TRIM14: variants seen among roughly 807,000 people sequenced by gnomAD.
TRIM14 encodes tripartite motif-containing protein 14.
TRIM14 carries 28 observed loss-of-function variants against 44.5 expected under a neutral mutation model. That is an observed-to-expected ratio of 0.63 (90% confidence interval 0.47 to 0.86). The LOEUF is 0.86. TRIM14 is among the 40% of genes least tolerant of loss of function. The pLI is 0.00. For missense variants in TRIM14, 607 were observed against 611.1 expected, an observed-to-expected ratio of 0.99 and a Z score of 0.07; for synonymous variants, 299 against 269.2, an observed-to-expected ratio of 1.11 and a Z score of -1.08.
At chr9:98,066,937 C>T (rs1829165582), downstream of TRIM14, among the ~76,000 whole-genome samples, 1 of 152,194 alleles carries the variant, frequency 6.6e-6, no homozygotes, top group Non-Finnish European at 1.5e-5. Flanking sequence ...AGGTGTGAGC[C>T]ACTGCGTCCA....
chr9:98,045,382 C>A, the TRIM14 span, among the ~76,000 whole-genome samples: 1 of 152,196 alleles, frequency 6.6e-6, no homozygotes, highest in African/African-American at 2.4e-5. Context: ...TTTCTCTGTA[C>A]ATCGTGAACT....
the TRIM14 span, among the ~76,000 whole-genome samples, chr9:98,036,318 T>C: frequency 6.6e-6 from 1 of 151,444 alleles, no homozygotes. Context: ...CTGGCCAACA[T>C]GGTGAAAACC....
chr9:98,091,370 T>A (rs1232461852), intron 5 of TRIM14, among the ~76,000 whole-genome samples: 2 of 151,926 alleles, frequency 1.3e-5, no homozygotes, highest in East Asian at 1.9e-4. Flanking sequence ...GGTGGGAAAA[T>A]CATTTGTGCC....
Position 98,089,220 on chromosome 9 carries a change from G to A in TRIM14, c.794-1215C>T, listed in dbSNP as rs565504558. ...AGATGGAGTTTCACTCTTGTTGCCC[G>A]GGCTGGAGTGCAGTGGTGTGATCTC... is the stretch of plus-strand genomic sequence containing the variant. On this transcript the variant is annotated intron_variant, in intron 5 of 5. Transcript: ENST00000341469. 1.6e-4 allele frequency among the ~76,000 whole-genome samples: 24 copies of A among 151,622 alleles called. No homozygotes were observed. In the South Asian group the frequency reaches 4.2e-3, roughly 26 times the overall value.
chr9:98,091,973 G>T lies in TRIM14; in HGVS notation c.729C>A (p.Ser243=). The change falls in exon 5 of 6, where the codon TCC becomes TCA. Residue 243 remains serine, a synonymous_variant. Coordinates refer to ENST00000341469, the MANE Select transcript of TRIM14 (RefSeq NM_014788.4). ...ESINCQLSDP[S]STKPGTLLKT... ...TCAACAAGGTACCTGGCTTGGTGCT[G>T]GAAGGGTCTGAGAGCTGGCAGTTTA... 1 of 1,610,948 alleles carries T rather than the reference G, an allele frequency of 6.2e-7. No individual in the cohort carries two copies. The highest frequency in any genetic ancestry group is 8.5e-7 in the Non-Finnish European group (1 of 1,177,792).
intron 2 of TRIM14, among the ~76,000 whole-genome samples, chr9:98,105,389 G>A (rs1400069461): frequency 6.6e-6 from 1 of 152,140 alleles, no homozygotes; most frequent in East Asian, 1.9e-4. Context: ...GACCAGCCTG[G>A]CCAACATAGT....
At chr9:98,080,355 C>T (rs184756980), downstream of TRIM14, among the ~76,000 whole-genome samples, 12 of 152,264 alleles carry the variant, frequency 7.9e-5, no homozygotes, top group South Asian at 2.1e-4. Flanking sequence ...TTATAGATAA[C>T]GGATTAATTA....
rs1265589988 is a variant in TRIM14 at position 98,095,829 on chromosome 9, G to A, written c.538-800C>T. On this transcript the variant is annotated intron_variant, in intron 3 of 5. Coordinates refer to ENST00000341469, the MANE Select transcript of TRIM14 (RefSeq NM_014788.4). This position sits in a 1 kb window ranked among gnomAD's most constrained non-coding sequence, Gnocchi z 4.1. ...GTGAGTGGTGATGTCTTGCCCAGCA[G>A]GGGTGCCGTGGGGCCTATACTGGCA... Among the ~76,000 whole-genome samples the A allele has an allele frequency of 1.3e-5, 2 of 152,212 alleles. No individual in the cohort carries two copies. Among genetic ancestry groups the A allele is most frequent in the Non-Finnish European group, 2.9e-5 (2 of 68,040 alleles).
chr9:98,057,482 C>G, the TRIM14 span, among the ~76,000 whole-genome samples: 1 of 152,236 alleles, frequency 6.6e-6, no homozygotes, highest in African/African-American at 2.4e-5. Context: ...AGTTCCACCA[C>G]TACTAGCTGT....
At position 98,090,552 on chromosome 9, in the gene TRIM14, T is replaced by C. The variant is rs1825956068; in HGVS notation, c.793+1357A>G. ...AGCTGATTGATCTGCACATTTTTGA[T>C]TTGTGCACTTTTTTTTTTTTTTTTT... On this transcript the variant is annotated intron_variant, in intron 5 of 5. Coordinates refer to ENST00000341469, the MANE Select transcript of TRIM14 (RefSeq NM_014788.4). Among the ~76,000 whole-genome samples the C allele has an allele frequency of 2.1e-5, 3 of 144,224 alleles. No homozygotes were observed. The South Asian group carries it at 6.6e-4, about 32-fold the overall frequency. 94.6% of individuals were successfully genotyped at this position (144,224 alleles called of 152,430 possible).
chr9:98,082,988 C>G, downstream of TRIM14: 2 of 1,614,166 alleles, frequency 1.2e-6, no homozygotes, highest in Non-Finnish European at 1.7e-6. Flanking sequence ...GTCCTGGTCA[C>G]TGTTGAAGAG....
At chr9:98,039,302 C>T in the TRIM14 span, among the ~76,000 whole-genome samples, 1 of 152,156 alleles carries the variant, frequency 6.6e-6, no homozygotes, top group Non-Finnish European at 1.5e-5. Flanking sequence ...GGGACTGAAA[C>T]TGCCTTTGCA....
At chr9:98,036,244 T>C in the TRIM14 span, among the ~76,000 whole-genome samples, 1 of 151,672 alleles carries the variant, frequency 6.6e-6, no homozygotes, top group Non-Finnish European at 1.5e-5. Context: ...GAAGTCCTTG[T>C]AATGCCAGCA....
At chr9:98,056,967 G>C in the TRIM14 span, 1 of 1,551,814 alleles carries the variant, frequency 6.4e-7, no homozygotes, top group Non-Finnish European at 8.7e-7. Context: ...CGGGACCCGG[G>C]ATTCGGGCGC....
chr9:98,047,224 C>T, the TRIM14 span, among the ~76,000 whole-genome samples: 1 of 152,140 alleles, frequency 6.6e-6, no homozygotes, highest in Admixed American at 6.5e-5. Context: ...GCTTGGTTTT[C>T]ATTCTCTCGT....
the TRIM14 span, chr9:98,061,209 G>A: frequency 1.8e-6 from 1 of 556,322 alleles, no homozygotes; most frequent in Non-Finnish European, 3.2e-6. Flanking sequence ...GGGCTTGATG[G>A]CTCACACCTG....
chr9:98,049,021 GA>G, the TRIM14 span, among the ~76,000 whole-genome samples: 23 of 143,452 alleles, frequency 1.6e-4, no homozygotes, highest in African/African-American at 1.3e-4. Context: ...CTCTGTCTCA[GA>G]AAAAAAAAAA....
At chr9:98,062,621 C>T in the TRIM14 span, among the ~76,000 whole-genome samples, 7 of 152,200 alleles carry the variant, frequency 4.6e-5, no homozygotes, top group South Asian at 8.3e-4. Context: ...TAGTGAACAT[C>T]GAGTTCTGTG....
the TRIM14 span, among the ~76,000 whole-genome samples, chr9:98,052,148 G>A: frequency 6.6e-6 from 1 of 152,162 alleles, no homozygotes; most frequent in Non-Finnish European, 1.5e-5. Flanking sequence ...CTTAGACTTT[G>A]AGAGGACTCT....
Sources: gnomAD v4.1 joint callset for allele counts (sites outside exome capture counted in the v4.1 genomes callset) on GRCh38, gnomAD v4.1.1 for gene constraint, Gnocchi (gnomAD v3.1) non-coding constraint, MANE v1.5 for transcripts, NCBI Gene and HGNC (gene_info 2026-07-23, HGNC 2026-07-21) for gene names.